The following ZBTB44 variants were observed in gnomAD, a reference collection of about 807,000 sequenced individuals.
The protein encoded by ZBTB44 is zinc finger and BTB domain containing 44, also known as zinc finger and BTB domain-containing protein 44.
ZBTB44 carries 15 observed loss-of-function variants against 54.0 expected under a neutral mutation model. The observed-to-expected ratio is 0.28, with a 90% CI of 0.19 to 0.43. ZBTB44 has a LOEUF of 0.43. ZBTB44 is among the 20% of genes least tolerant of loss of function. The pLI is 1.00. For synonymous variants in ZBTB44, 230 were observed against 250.1 expected (o/e 0.92, Z 0.76); for missense variants, 487 against 707.1 (o/e 0.69, Z 3.53).
At chr11:130,259,057 C>G (rs771826558) in intron 2 of ZBTB44, among the ~76,000 whole-genome samples, 2 of 152,138 alleles carry the variant, frequency 1.3e-5, no homozygotes, top group Non-Finnish European at 2.9e-5. Context: ...CAAACCACTG[C>G]TCAAGAAAAT....
intron 1 of ZBTB44, chr11:130,296,587 T>C: frequency 1.1e-6 from 1 of 910,754 alleles, no homozygotes; most frequent in Non-Finnish European, 1.8e-6. Context: ...ATCGTGTAGG[T>C]AGAACAGCCA....
chr11:130,246,691 A>G (rs972049984), intron 2 of ZBTB44, among the ~76,000 whole-genome samples: 1 of 152,186 alleles, frequency 6.6e-6, no homozygotes, highest in Admixed American at 6.5e-5. Context: ...GCATTGTTCT[A>G]AAAGGTTTTC....
chr11:130,267,427 G>C (rs941678249), intron 1 of ZBTB44, among the ~76,000 whole-genome samples: 17 of 151,900 alleles, frequency 1.1e-4, no homozygotes, highest in Admixed American at 7.2e-4. Context: ...TGTTTTAGAG[G>C]CAGGGTCTCA....
intron 1 of ZBTB44, chr11:130,310,597 C>T (rs1942540486): frequency 6.6e-6 from 1 of 152,108 alleles, no homozygotes; most frequent in Non-Finnish European, 1.5e-5. Flanking sequence ...TTCTATGTGG[C>T]TTCACATAAC....
At chr11:130,272,403 A>T (rs1939740682) in intron 1 of ZBTB44, among the ~76,000 whole-genome samples, 1 of 152,236 alleles carries the variant, frequency 6.6e-6, no homozygotes, top group African/African-American at 2.4e-5. Flanking sequence ...CTTACTGGAC[A>T]TTAGTGTATC....
intron 1 of ZBTB44, among the ~76,000 whole-genome samples, chr11:130,267,762 T>C (rs1236857632): frequency 6.6e-6 from 1 of 152,050 alleles, no homozygotes; most frequent in Non-Finnish European, 1.5e-5. Flanking sequence ...CATCACATCC[T>C]GTAGAGAAAT....
intron 6 of ZBTB44, chr11:130,233,720 G>A: frequency 4.3e-6 from 5 of 1,173,434 alleles, no homozygotes; most frequent in Non-Finnish European, 5.3e-6. Context: ...AATGGAAGAA[G>A]GAACTGGTAT....
chr11:130,296,353 T>C, intron 1 of ZBTB44: 4 of 1,542,168 alleles, frequency 2.6e-6, no homozygotes, highest in African/African-American at 1.4e-5. Context: ...TCATCTTGTA[T>C]GTCCGTGAAA....
At chr11:130,262,063 G>C in intron 1 of ZBTB44, 134 bp from the exon 2 acceptor site, 1 of 648,116 alleles carries the variant, frequency 1.5e-6, no homozygotes, top group Non-Finnish European at 2.6e-6. Context: ...TCAAGGTAGG[G>C]ACTGTATAGA....
chr11:130,252,608 C>G (rs7104476), intron 2 of ZBTB44, among the ~76,000 whole-genome samples: 5,958 of 152,188 alleles, frequency 0.039, 287 homozygotes, highest in African/African-American at 0.11. Context: ...AATTAGAACT[C>G]AGGATTAAGA....
At chr11:130,314,152 G>A (rs986781605) in intron 1 of ZBTB44, among the ~76,000 whole-genome samples, 2 of 152,170 alleles carry the variant, frequency 1.3e-5, no homozygotes, top group East Asian at 3.9e-4. Context: ...CTGGAAGGTC[G>A]GGGTAACTGC....
At chr11:130,290,318 T>C (rs914440918) in intron 1 of ZBTB44, among the ~76,000 whole-genome samples, 1 of 152,230 alleles carries the variant, frequency 6.6e-6, no homozygotes, top group African/African-American at 2.4e-5. Context: ...CTTGCCAACA[T>C]CTTGATCTCA....
chr11:130,265,220 C>T lies in ZBTB44; in HGVS notation c.-56-3291G>A, dbSNP rs148736249. ...TGACCAAGTGAAAGGAAGAGCTGCA[C>T]GTTTCTCACTTTATTTTTTTTTATG... On this transcript the variant is annotated intron_variant, in intron 1 of 7. Transcript: ENST00000357899. Among the ~76,000 whole-genome samples, 256 of 152,070 alleles carry T rather than the reference C, an allele frequency of 1.7e-3. 5 individuals carry two copies. In the South Asian group the frequency reaches 0.035, roughly 21 times the overall value.
intron 1 of ZBTB44, among the ~76,000 whole-genome samples, chr11:130,307,217 G>A (rs1172878242): frequency 6.6e-6 from 1 of 152,094 alleles, no homozygotes; most frequent in Non-Finnish European, 1.5e-5. Context: ...AAGGTAAGGA[G>A]ACCAAGACCA....
At chr11:130,278,968 T>C (rs1940309625) in intron 1 of ZBTB44, among the ~76,000 whole-genome samples, 1 of 152,164 alleles carries the variant, frequency 6.6e-6, no homozygotes, top group Non-Finnish European at 1.5e-5. Context: ...TTCTGGTGCA[T>C]GAGTCATAAT....
At chr11:130,279,519 C>G (rs915110384) in intron 1 of ZBTB44, among the ~76,000 whole-genome samples, 2 of 152,054 alleles carry the variant, frequency 1.3e-5, no homozygotes, top group African/African-American at 4.8e-5. Flanking sequence ...ATTAGCTGGG[C>G]TTGGTGGCAT....
intron 1 of ZBTB44, among the ~76,000 whole-genome samples, chr11:130,293,505 T>C (rs186975682): frequency 0.073 from 8,949 of 123,254 alleles, 686 homozygotes; most frequent in African/African-American, 0.21. Flanking sequence ...TTTGGCCGGG[T>C]GTGGTGGCTC....
At chr11:130,256,856 C>T (rs1938482672) in intron 2 of ZBTB44, among the ~76,000 whole-genome samples, 1 of 152,020 alleles carries the variant, frequency 6.6e-6, no homozygotes, top group Admixed American at 6.6e-5. Context: ...GATGCTCTCT[C>T]TCACCACCCC....
At chr11:130,254,668 G>C (rs924005864) in intron 2 of ZBTB44, among the ~76,000 whole-genome samples, 4 of 152,180 alleles carry the variant, frequency 2.6e-5, no homozygotes, top group South Asian at 2.1e-4. Flanking sequence ...TCAGTGTGGC[G>C]ATTCCTCAGG....
Sources: allele counts gnomAD v4.1 joint callset (sites outside exome capture counted in the v4.1 genomes callset), GRCh38; gene constraint gnomAD v4.1.1; transcripts MANE v1.5; gene names NCBI Gene and HGNC (gene_info 2026-07-23, HGNC 2026-07-21).